Variants in OTOG observed in about 807,000 individuals in gnomAD.
OTOG encodes otogelin.
Under a neutral mutation model 313.8 loss-of-function variants are expected in OTOG, and 296 were observed. The observed-to-expected ratio is 0.94, with a 90% confidence interval of 0.86 to 1.04. The LOEUF is 1.04. Ranked by LOEUF, OTOG falls within the 50% of genes least tolerant of loss-of-function variation. The pLI, the probability that OTOG is intolerant of heterozygous loss-of-function variation, is 0.00. For synonymous variants in OTOG, 1,533 were observed against 1,554.9 expected (o/e 0.99, Z 0.33); for missense variants, 3,948 against 3,840.1 (o/e 1.03, Z -0.74).
chr11:17,554,101 T>C (rs181375664), intron 6 of OTOG, among the ~76,000 whole-genome samples: 7 of 152,180 alleles, frequency 4.6e-5, no homozygotes, highest in South Asian at 2.1e-4. Flanking sequence ...AAAAAGATCA[T>C]TGGGTGCTAA....
chr11:17,572,686 A>G (rs2134026472), intron 18 of OTOG, among the ~76,000 whole-genome samples: 1 of 152,206 alleles, frequency 6.6e-6, no homozygotes, highest in African/African-American at 2.4e-5. Context: ...TTGTGCTCAA[A>G]CCTCATTCCC....
Position 17,574,718 on chromosome 11 carries a change from A to G in OTOG, c.2294-2A>G. 1.9e-6 allele frequency: 3 copies of G among 1,550,058 alleles called. No individual in the cohort carries two copies. Among genetic ancestry groups the G allele is most frequent in the Non-Finnish European group, 2.6e-6 (3 of 1,146,698 alleles). ...GCATGCACCACTCCCCCCTCACTGC[A>G]GCACTGTCCTGTGAGGCCTCCAAGG... On this transcript the variant is annotated splice_acceptor_variant, in intron 19 of 55. Coordinates refer to ENST00000399397, the MANE Select transcript of OTOG (RefSeq NM_001292063.2). LOFTEE classifies it high-confidence loss of function.
chr11:17,582,320 A>G (rs1056745050), intron 23 of OTOG, among the ~76,000 whole-genome samples: 1 of 152,186 alleles, frequency 6.6e-6, no homozygotes, highest in Non-Finnish European at 1.5e-5. Flanking sequence ...ACACACACAT[A>G]CACACTCACA....
intron 30 of OTOG, 67 bp downstream of exon 30, chr11:17,597,074 T>A: frequency 6.6e-7 from 1 of 1,512,270 alleles, no homozygotes; most frequent in Non-Finnish European, 8.9e-7. Flanking sequence ...GCCCTAGGGG[T>A]ACTGGCAGTC....
chr11:17,596,786 C>T, intron 29 of OTOG, 65 bp from the exon 30 acceptor site: 2 of 1,431,756 alleles, frequency 1.4e-6, no homozygotes, highest in Non-Finnish European at 1.9e-6. Context: ...TCGTCATCAG[C>T]TGAAAAGATG....
intron 4 of OTOG, among the ~76,000 whole-genome samples, chr11:17,552,587 C>CTGTGTCCCT (rs1565087804): frequency 7.3e-5 from 11 of 150,934 alleles, no homozygotes; most frequent in African/African-American, 2.0e-4. Flanking sequence ...CCTGTGTCTC[C>CTGTGTCCCT]CACCTGTCCT....
At position 17,610,508 on chromosome 11, in the gene OTOG, G is replaced by C; in HGVS notation, c.5208G>C (p.Ser1736=). The change falls in exon 36 of 56, where the codon TCG becomes TCC. Residue 1736 remains serine, a synonymous_variant. Transcript: ENST00000399397. ...CCGGGCACAGCCAGCCCATGGGCTCGCCTGCCTCCCCACAGCCACACCCAC... is the reference window on the plus strand; with the variant it reads ...CCGGGCACAGCCAGCCCATGGGCTCCCCTGCCTCCCCACAGCCACACCCAC... ...GEAGHSQPMG[S]PASPQPHPLP... 6.5e-7 allele frequency: 1 copy of C among 1,550,326 alleles called. No homozygotes were observed. The highest frequency in any genetic ancestry group is 1.4e-5 in the African/African-American group (1 of 73,088).
rs997356132 is a variant in OTOG at position 17,632,176 on chromosome 11, T to G, written c.7022T>G (p.Met2341Arg). 1 of 1,551,032 alleles carries G rather than the reference T, an allele frequency of 6.4e-7. No individual in the cohort carries two copies. The highest frequency in any genetic ancestry group is 1.4e-5 in the African/African-American group (1 of 73,064). ...PCVALTVYVA[M>R]CHKFHVCIEW... ...GTGGCCCTGACTGTGTACGTGGCCA[T>G]GTGCCACAAATTTCATGTGTGCATC... The change falls in exon 42 of 56, where the codon ATG (methionine) becomes AGG (arginine). Residue 2341 changes from methionine (M) to arginine (R), a missense_variant. Coordinates refer to ENST00000399397, the MANE Select transcript of OTOG (RefSeq NM_001292063.2).
intron 23 of OTOG, among the ~76,000 whole-genome samples, chr11:17,578,749 A>G (rs1051730508): frequency 1.3e-5 from 2 of 152,128 alleles, no homozygotes; most frequent in South Asian, 2.1e-4. Flanking sequence ...CTGGCCGCTC[A>G]TCTGTGAAAT....
intron 30 of OTOG, among the ~76,000 whole-genome samples, chr11:17,597,226 G>A (rs911918068): frequency 6.6e-6 from 1 of 152,200 alleles, no homozygotes; most frequent in South Asian, 2.1e-4. Context: ...TAGAGAGAGA[G>A]ATCAAGTAAC....
chr11:17,603,964 A>C (rs1853318221), intron 32 of OTOG, among the ~76,000 whole-genome samples: 1 of 152,136 alleles, frequency 6.6e-6, no homozygotes, highest in South Asian at 2.1e-4. Flanking sequence ...GCACTGTTCT[A>C]AGCGCTTCAT....
chr11:17,627,474 G>A (rs942271777), intron 39 of OTOG, among the ~76,000 whole-genome samples: 1 of 152,042 alleles, frequency 6.6e-6, no homozygotes, highest in Non-Finnish European at 1.5e-5. Context: ...TCTTTTTGAT[G>A]TATTGTTGAA....
intron 39 of OTOG, among the ~76,000 whole-genome samples, chr11:17,628,488 T>C (rs538893799): frequency 1.8e-4 from 28 of 152,268 alleles, no homozygotes; most frequent in African/African-American, 6.5e-4. Context: ...GTAGAAGAGG[T>C]TGTAGCCTTG....
Position 17,586,586 on chromosome 11 carries a change from G to T in OTOG, c.2867+5G>T. 7.3e-7 allele frequency: 1 copy of T among 1,368,574 alleles called. No individual in the cohort carries two copies. The highest frequency in any genetic ancestry group is 9.5e-7 in the Non-Finnish European group (1 of 1,052,578). 84.8% of individuals were successfully genotyped at this position (1,368,574 alleles called of 1,614,324 possible). A position where few individuals can be genotyped will look rare whatever the true frequency, so the allele number is the denominator to read the frequency against. On this transcript the variant is annotated splice_donor_5th_base_variant and intron_variant, in intron 24 of 55. Transcript: ENST00000399397. ...GATGTCTCCTTGCCATACCTGGTAA[G>T]TGAGGGTCCCAAGCAGGCTTTGCTT...
intron 4 of OTOG, 93 bp from the exon 5 acceptor site, chr11:17,553,026 G>A: frequency 8.7e-7 from 1 of 1,143,764 alleles, no homozygotes; most frequent in Non-Finnish European, 1.3e-6. Context: ...GCCTGTTATG[G>A]GGGTCTGGAT....
At chr11:17,593,379 G>GT (rs1852998763) in intron 26 of OTOG, 52 bp downstream of exon 26, 3 of 1,542,910 alleles carry the variant, frequency 1.9e-6, no homozygotes, top group Non-Finnish European at 2.6e-6. Flanking sequence ...GGTTACCAGG[G>GT]TTGGGGCAGA....
intron 39 of OTOG, among the ~76,000 whole-genome samples, chr11:17,623,353 T>G (rs1212625792): frequency 6.6e-6 from 1 of 152,202 alleles, no homozygotes; most frequent in Non-Finnish European, 1.5e-5. Context: ...CCTGTCCATG[T>G]GCTCTCATCA....
In OTOG at chr11:17,609,791, A is replaced by T. The variant is rs1450636441; in HGVS notation, c.4491A>T (p.Pro1497=). Reference sequence around the variant, plus strand: ...GCCCCAGGACCCCCACCCACAGGCCAGCCCTCACCCCAGCTGCCCCACTCA... The same window carrying T: ...GCCCCAGGACCCCCACCCACAGGCCTGCCCTCACCCCAGCTGCCCCACTCA... The part of the protein sequence containing the change: ...QESPRTPTHR[P]ALTPAAPLTT... The change falls in exon 36 of 56, where the codon CCA becomes CCT. Residue 1497 remains proline (P), a synonymous_variant. Transcript: ENST00000399397. 1 of 1,547,960 alleles carries T rather than the reference A, an allele frequency of 6.5e-7. No homozygotes were observed. Among genetic ancestry groups the T allele is most frequent in the East Asian group, 2.4e-5 (1 of 40,884 alleles).
At chr11:17,616,153 G>A (rs1853713773) in intron 39 of OTOG, among the ~76,000 whole-genome samples, 1 of 151,808 alleles carries the variant, frequency 6.6e-6, no homozygotes, top group African/African-American at 2.4e-5. Flanking sequence ...TCGATCTCCT[G>A]GGCTCAGCAA....
Sources: gnomAD v4.1 joint callset for allele counts (sites outside exome capture counted in the v4.1 genomes callset) on GRCh38, gnomAD v4.1.1 for gene constraint, MANE v1.5 for transcripts, NCBI Gene and HGNC (gene_info 2026-07-23, HGNC 2026-07-21) for gene names.